CD160: variants seen among roughly 807,000 people sequenced by gnomAD.
The protein encoded by CD160 is CD160 molecule.
CD160 carries 11 observed loss-of-function variants against 19.2 expected under a neutral mutation model. That is an observed-to-expected ratio of 0.57 (90% confidence interval 0.36 to 0.95). The LOEUF is 0.95. CD160 is among the 40% of genes least tolerant of loss of function. CD160 has a pLI of 0.01. For missense variants in CD160, 182 were observed against 213.2 expected (o/e 0.85, Z 0.91); for synonymous variants, 75 against 81.1 (o/e 0.93, Z 0.40).
chr1:145,722,639 T>C (rs1486541202), intron 1 of CD160, among the ~76,000 whole-genome samples: 2 of 152,244 alleles, frequency 1.3e-5, no homozygotes, highest in Non-Finnish European at 2.9e-5. Flanking sequence ...TCGCCCAGGC[T>C]GGAGTGCAGT....
chr1:145,721,030 G>A (rs1038554886), intron 1 of CD160, among the ~76,000 whole-genome samples: 6 of 152,146 alleles, frequency 3.9e-5, no homozygotes, highest in Non-Finnish European at 7.4e-5. Context: ...CCCCCTGCCC[G>A]CGCTGGGGCT....
intron 5 of CD160, chr1:145,736,469 G>A: frequency 2.5e-6 from 1 of 401,590 alleles, no homozygotes; most frequent in Non-Finnish European, 4.6e-6. Flanking sequence ...AGCTATTAGA[G>A]GAAGAAAAGG....
intron 5 of CD160, chr1:145,738,266 C>T (rs1244124574): frequency 5.6e-6 from 2 of 357,518 alleles, no homozygotes; most frequent in African/African-American, 4.2e-5. Flanking sequence ...AAGGCTAGCC[C>T]CCTTCCCACT....
At chr1:145,720,893 G>T (rs1359165096) in intron 1 of CD160, among the ~76,000 whole-genome samples, 3 of 152,212 alleles carry the variant, frequency 2.0e-5, no homozygotes, top group Non-Finnish European at 2.9e-5. Flanking sequence ...GAAGGTGCGG[G>T]AGGGAAGAGT....
chr1:145,727,835 C>T (rs868961207), intron 2 of CD160, among the ~76,000 whole-genome samples: 7 of 152,280 alleles, frequency 4.6e-5, no homozygotes, highest in African/African-American at 1.7e-4. Context: ...AATTTTTCAT[C>T]CATCAGATTG....
chr1:145,721,279 C>A (rs1656834760), intron 1 of CD160, among the ~76,000 whole-genome samples: 1 of 152,204 alleles, frequency 6.6e-6, no homozygotes, highest in Non-Finnish European at 1.5e-5. Context: ...TGACGCGGGC[C>A]AACGCGGGGC....
intron 4 of CD160, 126 bp from the exon 5 acceptor site, chr1:145,735,871 T>C (rs1657463648): frequency 1.5e-6 from 1 of 684,226 alleles, no homozygotes; most frequent in African/African-American, 1.8e-5. Flanking sequence ...AAATACTTAT[T>C]TGGGCAACGA....
At chr1:145,726,645 G>A (rs975880548) in intron 2 of CD160, among the ~76,000 whole-genome samples, 13 of 152,100 alleles carry the variant, frequency 8.5e-5, no homozygotes, top group Non-Finnish European at 1.9e-4. Context: ...ACAAGTTGAT[G>A]GGTGCAGCAA....
intron 1 of CD160, among the ~76,000 whole-genome samples, chr1:145,720,171 C>T (rs1278497244): frequency 2.6e-5 from 4 of 152,322 alleles, no homozygotes; most frequent in South Asian, 4.1e-4. Flanking sequence ...ATGTCCTTAA[C>T]GCTCAGCACT....
At chr1:145,735,950 A>C (rs587702845) in intron 4 of CD160, 47 bp from the exon 5 acceptor site, 2 of 1,336,722 alleles carry the variant, frequency 1.5e-6, no homozygotes, top group East Asian at 4.6e-5. Flanking sequence ...GGAGATACTG[A>C]TGATTTCTGA....
intron 4 of CD160, among the ~76,000 whole-genome samples, chr1:145,735,509 T>C (rs1553709986): frequency 1.3e-5 from 2 of 152,032 alleles, no homozygotes; most frequent in Non-Finnish European, 2.9e-5. Flanking sequence ...TCGATTGGGC[T>C]CGGGGCATGA....
rs781786945 is a variant in CD160, at chr1:145,738,442, C to T, written c.539-44C>T. The T allele has an allele frequency of 5.7e-5, 73 of 1,289,360 alleles. No homozygotes were observed. In the Middle Eastern group the frequency reaches 6.1e-4, roughly 11 times the overall value. The allele number at this position is 1,289,360 out of a possible 1,614,324, so 79.9% of individuals were successfully genotyped here. Reference sequence around the variant, plus strand: ...CTTCATTATATCAGGTATTTTGTTGCTATTCTAAGTTATAAGGCAGTAATA... The same window carrying T: ...CTTCATTATATCAGGTATTTTGTTGTTATTCTAAGTTATAAGGCAGTAATA... On this transcript the variant is annotated intron_variant, in intron 5 of 5. Transcript: ENST00000369288.
intron 1 of CD160, among the ~76,000 whole-genome samples, chr1:145,722,609 C>T (rs1202296235): frequency 6.6e-6 from 1 of 152,040 alleles, no homozygotes; most frequent in Non-Finnish European, 1.5e-5. Flanking sequence ...TTTGTTTTTT[C>T]GAGACAGAAT....
At chr1:145,729,237 T>C (rs1332811158) in intron 3 of CD160, among the ~76,000 whole-genome samples, 2 of 152,206 alleles carry the variant, frequency 1.3e-5, no homozygotes, top group African/African-American at 2.4e-5. Flanking sequence ...TGTAGGAGAA[T>C]GGCATTCAAT....
chr1:145,722,444 A>T (rs1656889602), intron 1 of CD160, among the ~76,000 whole-genome samples: 1 of 152,192 alleles, frequency 6.6e-6, no homozygotes, highest in African/African-American at 2.4e-5. Flanking sequence ...CTGCTGTGTT[A>T]GTGATCTCTC....
chr1:145,737,697 T>C (rs2101417479), intron 5 of CD160: 1 of 147,604 alleles, frequency 6.8e-6, no homozygotes, highest in African/African-American at 2.5e-5. Context: ...AAATTGAGTC[T>C]AGCCATACAA....
At chr1:145,737,650 A>G (rs1657548453) in intron 5 of CD160, 1 of 152,076 alleles carries the variant, frequency 6.6e-6, no homozygotes. Flanking sequence ...GTAACCAGTA[A>G]AATAAATTTT....
At chr1:145,728,178 C>A in intron 2 of CD160, 78 bp from the exon 3 acceptor site, 1 of 626,604 alleles carries the variant, frequency 1.6e-6, no homozygotes. Flanking sequence ...TCTAGCCAAT[C>A]AAAGCTAGAG....
At chr1:145,732,790 C>A (rs1479314332) in intron 4 of CD160, among the ~76,000 whole-genome samples, 1 of 152,094 alleles carries the variant, frequency 6.6e-6, no homozygotes, top group African/African-American at 2.4e-5. Context: ...ACACAGAATC[C>A]AAATTATGTA....
Sources: gnomAD v4.1 joint callset for allele counts (sites outside exome capture counted in the v4.1 genomes callset) on GRCh38, gnomAD v4.1.1 for gene constraint, MANE v1.5 for transcripts, NCBI Gene and HGNC (gene_info 2026-07-23, HGNC 2026-07-21) for gene names.